Variants in PLB1 observed in about 807,000 individuals in gnomAD.
PLB1 encodes the protein phospholipase B1.
PLB1 carries 242 observed loss-of-function variants against 227.4 expected under a neutral mutation model. The ratio of observed to expected loss-of-function variants is 1.06; its 90% CI spans 0.96 to 1.18. The LOEUF (loss-of-function observed/expected upper bound fraction) is 1.18. Among genes scored for constraint, PLB1 ranks in the 50% most tolerant of loss-of-function variants. The probability of loss-of-function intolerance (pLI) is 0.00; values close to 1 mark genes in which losing one functional copy is unlikely to be tolerated. For synonymous variants in PLB1, 757 were observed against 682.2 expected (o/e 1.11, Z -1.71); for missense variants, 1,858 against 1,816.3 (o/e 1.02, Z -0.42).
intron 41 of PLB1, among the ~76,000 whole-genome samples, chr2:28,605,570 G>A (rs753264052): frequency 3.7e-4 from 57 of 152,036 alleles, no homozygotes; most frequent in Non-Finnish European, 6.8e-4. Flanking sequence ...GCATGGCCTC[G>A]GGCATTACAT....
At chr2:28,499,036 T>A (rs1174510277) in intron 1 of PLB1, among the ~76,000 whole-genome samples, 3 of 152,198 alleles carry the variant, frequency 2.0e-5, no homozygotes, top group Non-Finnish European at 4.4e-5. Context: ...CATGGACATA[T>A]TTTGTTAAAT....
Position 28,643,510 on chromosome 2 carries a change from C to A in PLB1, c.*449C>A, listed in dbSNP as rs984379801. 2.0e-4 allele frequency: 33 copies of A among 162,388 alleles called. No homozygotes were observed. The highest frequency in any genetic ancestry group is 3.7e-4 in the Admixed American group (6 of 16,084). 10.1% of individuals were successfully genotyped at this position (162,388 alleles called of 1,614,324 possible). On this transcript the variant is annotated 3_prime_UTR_variant, in exon 58 of 58. Coordinates refer to ENST00000327757, the MANE Select transcript of PLB1 (RefSeq NM_153021.5). Reference sequence around the variant, plus strand: ...GGAGCTGGCTGGTTGCCATTCAGTCCAATCCAACACATACCTATTAAGCAA... The same window carrying A: ...GGAGCTGGCTGGTTGCCATTCAGTCAAATCCAACACATACCTATTAAGCAA...
intron 29 of PLB1, 107 bp downstream of exon 29, chr2:28,590,183 AT>A: frequency 1.0e-6 from 1 of 953,866 alleles, no homozygotes; most frequent in Non-Finnish European, 1.7e-6. Flanking sequence ...CACCCACCCC[AT>A]TTTATACTCC....
At chr2:28,564,669 G>C (rs1327078827) in intron 18 of PLB1, among the ~76,000 whole-genome samples, 1 of 152,172 alleles carries the variant, frequency 6.6e-6, no homozygotes, top group Non-Finnish European at 1.5e-5. Context: ...CCAGAGAGCA[G>C]GGATCACACC....
chr2:28,642,477 A>C (rs1690084275), intron 57 of PLB1, among the ~76,000 whole-genome samples: 1 of 152,000 alleles, frequency 6.6e-6, no homozygotes, highest in South Asian at 2.1e-4. Context: ...CCCTTCCCTG[A>C]TTTCTGGGTA....
At position 28,589,716 on chromosome 2, in the gene PLB1, C is replaced by T. The variant is rs775735958; in HGVS notation, c.1962C>T (p.Phe654=). 1.2e-6 allele frequency: 2 copies of T among 1,613,966 alleles called. No homozygotes were observed. Among genetic ancestry groups the T allele is most frequent in the Non-Finnish European group, 8.5e-7 (1 of 1,180,036 alleles). Residue 654 remains phenylalanine (F), a synonymous_variant, in exon 28 of 58, where the codon TTC becomes TTT. Transcript: ENST00000327757. ...PDNSFFAPDC[F]HFSSKSHSRA... is the part of the protein sequence containing the mutation. ...ACTCTTTCTTCGCTCCTGACTGTTT[C>T]CACTTCAGCAGCAAGTCTCACTCCC...
intron 46 of PLB1, among the ~76,000 whole-genome samples, chr2:28,619,517 A>G (rs1351002938): frequency 1.7e-5 from 2 of 120,894 alleles, no homozygotes; most frequent in Non-Finnish European, 3.3e-5. Context: ...GTAAATTTCA[A>G]GGTTTTGTTT....
chr2:28,581,464 T>A (rs1679926364), intron 23 of PLB1, among the ~76,000 whole-genome samples: 4 of 143,596 alleles, frequency 2.8e-5, no homozygotes, highest in South Asian at 2.2e-4. Flanking sequence ...GGATATGGAG[T>A]AGATCCAGAG....
At chr2:28,581,924 G>A in intron 23 of PLB1, 144 bp from the exon 24 acceptor site, 1 of 666,806 alleles carries the variant, frequency 1.5e-6, no homozygotes, top group Non-Finnish European at 2.5e-6. Flanking sequence ...TCACACCACT[G>A]CACTCCAGCC....
chr2:28,563,779 G>A (rs984391736), intron 18 of PLB1, among the ~76,000 whole-genome samples: 2 of 152,118 alleles, frequency 1.3e-5, no homozygotes, highest in African/African-American at 4.8e-5. Flanking sequence ...CCTCTCATCA[G>A]AGTCCAGCTG....
chr2:28,624,458 ATTG>A (rs1687457857), intron 49 of PLB1, among the ~76,000 whole-genome samples: 1 of 152,060 alleles, frequency 6.6e-6, no homozygotes, highest in Non-Finnish European at 1.5e-5. Context: ...ACCAAATGGT[ATTG>A]TTTTATTTAT....
Position 28,565,318 on chromosome 2 carries a change from G to A in PLB1, c.1245G>A (p.Leu415=). 6.2e-7 allele frequency: 1 copy of A among 1,611,870 alleles called. No individual in the cohort carries two copies. Among genetic ancestry groups the A allele is most frequent in the Non-Finnish European group, 8.5e-7 (1 of 1,179,236 alleles). The change falls in exon 19 of 58, where the codon TTG becomes TTA. Residue 415 remains leucine, a synonymous_variant. Transcript: ENST00000327757. ...NGAGSTPGNV[L]DVLTQYRGLS... is the part of the protein sequence containing the mutation. The stretch of plus-strand genomic sequence containing the variant: ...CCGGGTCCACACCTGGGAACGTCTT[G>A]GACGTCTTGACTCAGTACCGAGGCC...
chr2:28,549,320 T>G (rs1405946749), intron 15 of PLB1, among the ~76,000 whole-genome samples: 1 of 152,060 alleles, frequency 6.6e-6, no homozygotes. Flanking sequence ...GACTACATCT[T>G]AAATATGTGC....
At chr2:28,512,269 A>C (rs574769231) in intron 1 of PLB1, among the ~76,000 whole-genome samples, 52 of 152,256 alleles carry the variant, frequency 3.4e-4, no homozygotes, top group Non-Finnish European at 5.6e-4. Flanking sequence ...CCTGCTACTG[A>C]GCCCACCTAG....
At chr2:28,584,082 G>T (rs932633490) in intron 25 of PLB1, among the ~76,000 whole-genome samples, 1 of 152,120 alleles carries the variant, frequency 6.6e-6, no homozygotes, top group East Asian at 1.9e-4. Context: ...CTCGGTACAG[G>T]TCCCCACCCC....
At chr2:28,537,961 C>T (rs1454928303) in intron 9 of PLB1, among the ~76,000 whole-genome samples, 1 of 152,094 alleles carries the variant, frequency 6.6e-6, no homozygotes, top group Non-Finnish European at 1.5e-5. Flanking sequence ...TGGGAAAAAG[C>T]GATTCCTCAA....
chr2:28,566,874 G>A (rs750111029), intron 20 of PLB1, 35 bp downstream of exon 20: 45 of 1,612,842 alleles, frequency 2.8e-5, no homozygotes, highest in Admixed American at 5.0e-5. Context: ...TGTTTGGTTT[G>A]GGGCGGCCCC....
At position 28,548,863 on chromosome 2, in the gene PLB1, G is replaced by C; in HGVS notation, c.940G>C (p.Glu314Gln). 6.2e-7 allele frequency: 1 copy of C among 1,614,078 alleles called. No homozygotes were observed. The highest frequency in any genetic ancestry group is 8.5e-7 in the Non-Finnish European group (1 of 1,179,984). The change falls in exon 15 of 58, where the codon GAG (glutamate) becomes CAG (glutamine). Residue 314 changes from glutamate (E) to glutamine (Q), a missense_variant. Glu to Gln is a conservative substitution (Grantham distance 29). Coordinates refer to ENST00000327757, the MANE Select transcript of PLB1 (RefSeq NM_153021.5). ...TAAAGCCCACGTTCCTTTCTAGATG[G>C]AGCCAGCAGGAGAGAAAGATGAGCC... is the stretch of plus-strand genomic sequence containing the variant. The part of the protein sequence containing the change: ...LAWHLWNRMM[E>Q]PAGEKDEPLS...
intron 56 of PLB1, among the ~76,000 whole-genome samples, chr2:28,638,370 C>A (rs1294253373): frequency 6.6e-6 from 1 of 152,020 alleles, no homozygotes; most frequent in African/African-American, 2.4e-5. Context: ...AACTTAAAGG[C>A]CAATGTGACC....
Sources: gnomAD v4.1 joint callset for allele counts (sites outside exome capture counted in the v4.1 genomes callset) on GRCh38, gnomAD v4.1.1 for gene constraint, MANE v1.5 for transcripts, NCBI Gene and HGNC (gene_info 2026-07-23, HGNC 2026-07-21) for gene names.